The following CHRDL2 variants were observed in gnomAD, a reference collection of about 807,000 sequenced individuals.
CHRDL2 encodes chordin-like protein 2.
CHRDL2 carries 41 observed loss-of-function variants against 54.3 expected under a neutral mutation model. The ratio of observed to expected loss-of-function variants is 0.76; its 90% CI spans 0.59 to 0.98. The LOEUF (loss-of-function observed/expected upper bound fraction) is 0.98, where lower values mean the gene tolerates loss of function less well. Ranked by LOEUF, CHRDL2 falls within the 50% of genes least tolerant of loss-of-function variation. The pLI is 0.00. For missense variants in CHRDL2, 518 were observed against 562.4 expected (o/e 0.92, Z 0.80); for synonymous variants, 220 against 224.3 (o/e 0.98, Z 0.17).
intron 1 of CHRDL2, among the ~76,000 whole-genome samples, chr11:74,724,391 C>T (rs896885160): frequency 2.6e-5 from 4 of 152,246 alleles, no homozygotes; most frequent in Non-Finnish European, 5.9e-5. Context: ...AGTGACTGGA[C>T]TTAGTTGATC....
intron 2 of CHRDL2, among the ~76,000 whole-genome samples, chr11:74,714,231 C>T (rs992312922): frequency 6.6e-6 from 1 of 152,092 alleles, no homozygotes; most frequent in Non-Finnish European, 1.5e-5. Flanking sequence ...TTGTGATGAA[C>T]CATTTACACC....
chr11:74,713,373 C>A lies in CHRDL2; in HGVS notation c.289+13G>T. Reference sequence around the variant, plus strand: ...AAGGTCCATGGACGATGGGGAGGAGCATGGCTACTTACCCACACACTTGGG... The same window carrying A: ...AAGGTCCATGGACGATGGGGAGGAGAATGGCTACTTACCCACACACTTGGG... On this transcript the variant is annotated intron_variant, in intron 3 of 10. Transcript: ENST00000376332. The A allele has an allele frequency of 1.2e-6, 2 of 1,610,246 alleles. No individual in the cohort carries two copies. The highest frequency in any genetic ancestry group is 8.5e-7 in the Non-Finnish European group (1 of 1,176,710).
chr11:74,725,080 G>A (rs756086715), intron 1 of CHRDL2, among the ~76,000 whole-genome samples: 1 of 151,502 alleles, frequency 6.6e-6, no homozygotes, highest in African/African-American at 2.4e-5. Context: ...TGCAACCTCC[G>A]CCTCCCAGGT....
chr11:74,704,668 G>A lies in CHRDL2; in HGVS notation c.583-14C>T. On this transcript the variant is annotated splice_polypyrimidine_tract_variant and intron_variant, in intron 6 of 10. Coordinates refer to ENST00000376332, the MANE Select transcript of CHRDL2 (RefSeq NM_001278473.3). ...CTGAGGATGTCTCTGCAAATGGCAG[G>A]AAGGATGAAAGTCACTGACTGAGCA... The A allele has an allele frequency of 1.2e-6, 2 of 1,602,532 alleles. No individual in the cohort carries two copies. Among genetic ancestry groups the A allele is most frequent in the Non-Finnish European group, 1.7e-6 (2 of 1,175,508 alleles).
rs978375712 is a variant in CHRDL2, at chr11:74,704,758, C to T, written c.583-104G>A. 6 of 1,123,510 alleles carry T rather than the reference C, an allele frequency of 5.3e-6. No individual in the cohort carries two copies. In the Admixed American group the frequency reaches 6.4e-5, roughly 12 times the overall value. 69.6% of individuals were successfully genotyped at this position (1,123,510 alleles called of 1,614,324 possible). On this transcript the variant is annotated intron_variant, in intron 6 of 10. Transcript: ENST00000376332. ...GCAGCAAGAGGCTGTGGGGAGACCC[C>T]AGCATGACTTCCCAGAGAAGAGAAG... is the stretch of plus-strand genomic sequence containing the variant.
intron 2 of CHRDL2, among the ~76,000 whole-genome samples, chr11:74,717,570 T>C (rs531933274): frequency 2.5e-4 from 38 of 152,086 alleles, no homozygotes; most frequent in African/African-American, 9.2e-4. Context: ...GTAGAAGCAG[T>C]GGTGAGTCAG....
intron 2 of CHRDL2, among the ~76,000 whole-genome samples, chr11:74,716,552 A>AG (rs2034358611): frequency 6.9e-6 from 1 of 145,532 alleles, no homozygotes; most frequent in South Asian, 2.1e-4. Flanking sequence ...AAAAAAAAAA[A>AG]AAAAAAAGAA....
rs574080896 is a variant in CHRDL2, at chr11:74,697,137, C to T, written c.1213+68G>A. 55 of 1,312,144 alleles carry T rather than the reference C, an allele frequency of 4.2e-5. No homozygotes were observed. In the East Asian group the frequency reaches 7.6e-4, roughly 18 times the overall value. The allele number at this position is 1,312,144 out of a possible 1,614,324, so 81.3% of individuals were successfully genotyped here. On this transcript the variant is annotated intron_variant, in intron 10 of 10. Transcript: ENST00000376332. ...CGGCACCAGCAGCCTGGGAACTCCC[C>T]GAAAGGCTCTGGCCCGTGTCCTTGC...
intron 2 of CHRDL2, among the ~76,000 whole-genome samples, chr11:74,714,219 C>T (rs905892619): frequency 1.3e-5 from 2 of 152,150 alleles, no homozygotes; most frequent in Admixed American, 6.5e-5. Context: ...CACTCTGCTG[C>T]ATTGTGATGA....
At chr11:74,703,081 T>C (rs2033883609) in intron 8 of CHRDL2, 114 bp from the exon 9 acceptor site, 1 of 1,150,100 alleles carries the variant, frequency 8.7e-7, no homozygotes, top group Non-Finnish European at 1.2e-6. Flanking sequence ...ACTGATTCTA[T>C]GTTAACAACC....
intron 8 of CHRDL2, 33 bp downstream of exon 8, chr11:74,703,272 A>T (rs1465094510): frequency 3.2e-6 from 5 of 1,557,684 alleles, no homozygotes; most frequent in Non-Finnish European, 4.3e-6. Context: ...CACTCTGGCC[A>T]GCGCCCTCCT....
At chr11:74,697,552 C>G in intron 9 of CHRDL2, 1 of 550,792 alleles carries the variant, frequency 1.8e-6, no homozygotes, top group East Asian at 3.5e-5. Context: ...TTTCACTCCC[C>G]CTCTAATCTG....
At chr11:74,728,032 T>G (rs1418056895) in intron 1 of CHRDL2, among the ~76,000 whole-genome samples, 1 of 152,060 alleles carries the variant, frequency 6.6e-6, no homozygotes, top group African/African-American at 2.4e-5. Context: ...GTGGAATTGG[T>G]GTTCAACCTG....
chr11:74,697,267 A>G lies in CHRDL2; in HGVS notation c.1151T>C (p.Val384Ala). ...GIFHLTQIKK[V>A]RKQDFQKEAQ... ...CTCTTTCTGGAAGTCTTGCTTCCTG[A>G]CTTTCTTGATCTGAGTCAAGTGGAA... The change falls in exon 10 of 11, where the codon GTC (valine) becomes GCC (alanine). Residue 384 changes from valine to alanine, a missense_variant. By Grantham distance (64) the Val-to-Ala change is moderately conservative. Transcript: ENST00000376332. 6.2e-7 allele frequency: 1 copy of G among 1,614,010 alleles called. No homozygotes were observed. The highest frequency in any genetic ancestry group is 8.5e-7 in the Non-Finnish European group (1 of 1,180,016).
At chr11:74,724,970 G>A (rs1260477970) in intron 1 of CHRDL2, among the ~76,000 whole-genome samples, 1 of 152,004 alleles carries the variant, frequency 6.6e-6, no homozygotes, top group Admixed American at 6.6e-5. Context: ...GCCAATTGAC[G>A]GTCCTTAGTC....
intron 2 of CHRDL2, among the ~76,000 whole-genome samples, chr11:74,716,156 A>G (rs1218960820): frequency 6.6e-6 from 1 of 152,206 alleles, no homozygotes; most frequent in Non-Finnish European, 1.5e-5. Context: ...TTCCAAGTGG[A>G]GGAAACAAGT....
At chr11:74,700,622 T>A (rs11236221) in intron 9 of CHRDL2, among the ~76,000 whole-genome samples, 11,120 of 140,248 alleles carry the variant, frequency 0.079, 572 homozygotes, top group African/African-American at 0.15. Flanking sequence ...GAATCTTTTT[T>A]TTATTATTAT....
In CHRDL2 at chr11:74,704,506, A is replaced by G; in HGVS notation, c.731T>C (p.Leu244Pro). The change falls in exon 7 of 11, where the codon CTG (leucine) becomes CCG (proline). Residue 244 changes from leucine (L) to proline (P), a missense_variant. Coordinates refer to ENST00000376332, the MANE Select transcript of CHRDL2 (RefSeq NM_001278473.3). The stretch of plus-strand genomic sequence containing the variant: ...CCCACCTTTCTTATGTTTCTCCTTC[A>G]GGACGATCTTGACAGTTGTGCTGCC... ...GAGSTTVKIV[L>P]KEKHKKACVH... 1 of 1,583,780 alleles carries G rather than the reference A, an allele frequency of 6.3e-7. No homozygotes were observed. Among genetic ancestry groups the G allele is most frequent in the Non-Finnish European group, 8.6e-7 (1 of 1,169,588 alleles).
chr11:74,703,619 C>T (rs765320697), intron 7 of CHRDL2, 120 bp from the exon 8 acceptor site: 15 of 815,390 alleles, frequency 1.8e-5, no homozygotes, highest in African/African-American at 1.0e-4. Context: ...CCTGCCTAGC[C>T]ACACTGCCTG....
Sources: allele counts gnomAD v4.1 joint callset (sites outside exome capture counted in the v4.1 genomes callset), GRCh38; gene constraint gnomAD v4.1.1; transcripts MANE v1.5; gene names NCBI Gene and HGNC (gene_info 2026-07-23, HGNC 2026-07-21).